Variants in TBC1D30 observed in about 807,000 individuals in gnomAD.
The protein encoded by TBC1D30 is TBC1 domain family, member 30.
A neutral mutation model predicts 63.2 loss-of-function variants in TBC1D30; 31 were observed. The observed-to-expected ratio is 0.49, with a 90% CI of 0.37 to 0.66. TBC1D30 has a LOEUF of 0.66. Ranked by LOEUF, TBC1D30 falls within the 30% of genes least tolerant of loss-of-function variation. The probability of loss-of-function intolerance (pLI) is 0.00; values close to 1 mark genes in which losing one functional copy is unlikely to be tolerated. For synonymous variants in TBC1D30, 307 were observed against 361.5 expected (o/e 0.85, Z 1.71); for missense variants, 810 against 953.6 (o/e 0.85, Z 1.98).
intron 8 of TBC1D30, among the ~76,000 whole-genome samples, chr12:64,862,129 G>T (rs1241763855): frequency 2.0e-5 from 3 of 152,080 alleles, no homozygotes; most frequent in Admixed American, 2.0e-4. Flanking sequence ...TTCTATTACT[G>T]TACCATATTT....
Position 64,878,469 on chromosome 12 carries a change from C to T in TBC1D30, c.*2681C>T, listed in dbSNP as rs2136500631. 2 of 456,692 alleles carry T rather than the reference C, an allele frequency of 4.4e-6. No homozygotes were observed. The highest frequency in any genetic ancestry group is 1.5e-5 in the South Asian group (1 of 64,564). 28.3% of individuals were successfully genotyped at this position (456,692 alleles called of 1,614,324 possible). On this transcript the variant is annotated 3_prime_UTR_variant, in exon 12 of 12. Coordinates refer to ENST00000539867, the MANE Select transcript of TBC1D30 (RefSeq NM_015279.2). Reference sequence around the variant, plus strand: ...TCAACTCATTCTGATGCCTCTGCACCTCAGTTCCTCTTACAAAAGCCTCCA... The same window carrying T: ...TCAACTCATTCTGATGCCTCTGCACTTCAGTTCCTCTTACAAAAGCCTCCA...
chr12:64,765,522 T>TAAAAAAAA (rs1870679957), intron 1 of TBC1D30, among the ~76,000 whole-genome samples: 1 of 63,778 alleles, frequency 1.6e-5, no homozygotes, highest in Non-Finnish European at 3.3e-5. Context: ...AAAAAAAAAT[T>TAAAAAAAA]ACTATATAGG....
intron 2 of TBC1D30, among the ~76,000 whole-genome samples, chr12:64,810,620 CA>C (rs542828655): frequency 2.0e-4 from 29 of 147,398 alleles, no homozygotes; most frequent in Middle Eastern, 3.5e-3. Flanking sequence ...AAAACAAAAC[CA>C]AAAAAAAAAC....
chr12:64,802,903 A>T (rs906938395), intron 2 of TBC1D30, among the ~76,000 whole-genome samples: 1 of 152,172 alleles, frequency 6.6e-6, no homozygotes, highest in Non-Finnish European at 1.5e-5. Context: ...TTATTGATGG[A>T]CATTTGGGTT....
At position 64,832,122 on chromosome 12, in the gene TBC1D30, C is replaced by T. The variant is rs1013994683; in HGVS notation, c.412C>T (p.Leu138Phe). The T allele has an allele frequency of 1.3e-6, 2 of 1,529,288 alleles. No individual in the cohort carries two copies. Among genetic ancestry groups the T allele is most frequent in the Admixed American group, 2.0e-5 (1 of 50,312 alleles). The allele number at this position is 1,529,288 out of a possible 1,614,324, so 94.7% of individuals were successfully genotyped here. A position where few individuals can be genotyped will look rare whatever the true frequency, so the allele number is the denominator to read the frequency against. Residue 138 changes from leucine to phenylalanine, a missense_variant, in exon 5 of 12, where the codon CTT (leucine) becomes TTT (phenylalanine). Around this residue, in one of 4 missense-constraint regions of TBC1D30, gnomAD observed 272 missense variants for 335.9 expected, o/e 0.81. Coordinates refer to ENST00000539867, the MANE Select transcript of TBC1D30 (RefSeq NM_015279.2). ...DSMGIQIVKD[L>F]HRTGCSSYCG... ...ATATTGTTTCCCTTCCATTTAGGAC[C>T]TTCACCGCACAGGCTGTAGTTCTTA...
chr12:64,767,674 G>A (rs771369516), intron 1 of TBC1D30, among the ~76,000 whole-genome samples: 1 of 151,158 alleles, frequency 6.6e-6, no homozygotes, highest in Admixed American at 6.7e-5. Flanking sequence ...GACTGCCCAG[G>A]TATCCTGCAG....
intron 1 of TBC1D30, among the ~76,000 whole-genome samples, chr12:64,774,886 A>G (rs1871019613): frequency 6.6e-6 from 1 of 152,110 alleles, no homozygotes; most frequent in Admixed American, 6.5e-5. Context: ...TGAGGCCAGG[A>G]GTTTGAGACC....
At chr12:64,863,609 G>T (rs909226584) in intron 8 of TBC1D30, among the ~76,000 whole-genome samples, 4 of 152,216 alleles carry the variant, frequency 2.6e-5, no homozygotes, top group African/African-American at 9.6e-5. Context: ...GTACAGTAAA[G>T]TATAAAGGGA....
chr12:64,802,831 C>A (rs1270106010), intron 2 of TBC1D30, among the ~76,000 whole-genome samples: 2 of 152,066 alleles, frequency 1.3e-5, no homozygotes, highest in Non-Finnish European at 2.9e-5. Context: ...TGAACTCATC[C>A]TTTTTTATGG....
upstream of TBC1D30, among the ~76,000 whole-genome samples, chr12:64,778,574 T>G (rs1462408977): frequency 6.9e-6 from 1 of 144,912 alleles, no homozygotes; most frequent in African/African-American, 2.6e-5. Flanking sequence ...TTTTTTTTTT[T>G]AAGATGGAGT....
At chr12:64,830,550 C>CT (rs1350790029) in intron 4 of TBC1D30, 48 bp downstream of exon 4, 1 of 1,464,312 alleles carries the variant, frequency 6.8e-7, no homozygotes, top group Non-Finnish European at 9.1e-7. Context: ...AAGAAAGACT[C>CT]TAAAAGCCAG....
At chr12:64,761,875 A>G (rs472721) in intron 1 of TBC1D30, among the ~76,000 whole-genome samples, 105,764 of 152,108 alleles carry the variant, frequency 0.7, 38,287 homozygotes, top group African/African-American at 0.9. Flanking sequence ...CCCTTTCTTG[A>G]TGTCTGGATC....
At chr12:64,843,334 A>AGTT (rs1876065915) in intron 7 of TBC1D30, 46 bp from the exon 8 acceptor site, 1 of 1,481,018 alleles carries the variant, frequency 6.8e-7, no homozygotes, top group Admixed American at 2.0e-5. Context: ...GTTACACAGC[A>AGTT]TGGATGCCCT....
intron 1 of TBC1D30, among the ~76,000 whole-genome samples, chr12:64,760,308 G>A (rs1298692477): frequency 6.6e-6 from 1 of 152,036 alleles, no homozygotes; most frequent in Non-Finnish European, 1.5e-5. Flanking sequence ...GGTGGCTCAC[G>A]CTTGTAATCC....
chr12:64,858,187 G>T (rs574754928), intron 8 of TBC1D30, among the ~76,000 whole-genome samples: 1 of 152,156 alleles, frequency 6.6e-6, no homozygotes, highest in Non-Finnish European at 1.5e-5. Context: ...CTTGTCTGCC[G>T]CCCACCCTCC....
At chr12:64,809,977 T>C (rs1873111781) in intron 2 of TBC1D30, among the ~76,000 whole-genome samples, 1 of 152,126 alleles carries the variant, frequency 6.6e-6, no homozygotes, top group South Asian at 2.1e-4. Context: ...TTCCTCTCCA[T>C]CAAAAGTGGC....
intron 2 of TBC1D30, among the ~76,000 whole-genome samples, chr12:64,817,175 G>C (rs545517645): frequency 1.3e-5 from 2 of 152,260 alleles, no homozygotes; most frequent in Non-Finnish European, 2.9e-5. Context: ...TCACCCTGTG[G>C]GTCAGAGTCT....
chr12:64,871,615 T>A (rs1255031161), intron 11 of TBC1D30, among the ~76,000 whole-genome samples: 3 of 152,260 alleles, frequency 2.0e-5, no homozygotes, highest in Non-Finnish European at 4.4e-5. Context: ...TCTCACTTTA[T>A]CCTGAGTCAT....
intron 6 of TBC1D30, among the ~76,000 whole-genome samples, chr12:64,836,948 T>C (rs1197077552): frequency 6.6e-6 from 1 of 152,208 alleles, no homozygotes; most frequent in Non-Finnish European, 1.5e-5. Flanking sequence ...CATCTTACTA[T>C]CTAGTTAAAC....
Sources: allele counts gnomAD v4.1 joint callset (sites outside exome capture counted in the v4.1 genomes callset), GRCh38; gene constraint gnomAD v4.1.1; regional missense constraint gnomAD v4.1.1; transcripts MANE v1.5; gene names NCBI Gene and HGNC (gene_info 2026-07-23, HGNC 2026-07-21).